DMXL2: variants seen among roughly 807,000 people sequenced by gnomAD.
The protein encoded by DMXL2 is Dmx like 2, also known as dmX-like protein 2.
DMXL2 carries 103 observed loss-of-function variants against 331.1 expected under a neutral mutation model. That is an observed-to-expected ratio of 0.31 (90% CI 0.27 to 0.37). The LOEUF (loss-of-function observed/expected upper bound fraction) is 0.37, where lower values mean the gene tolerates loss of function less well. DMXL2 is among the 10% of genes least tolerant of loss of function. The pLI, the probability that DMXL2 is intolerant of heterozygous loss-of-function variation, is 1.00. For synonymous variants in DMXL2, 1,281 were observed against 1,252.1 expected (o/e 1.02, Z -0.49); for missense variants, 3,171 against 3,642.9 (o/e 0.87, Z 3.33).
rs765934913 is a variant in DMXL2, at chr15:51,474,371, G to T, written c.7186C>A (p.Pro2396Thr). Residue 2396 changes from proline to threonine, a missense_variant, in exon 28 of 44, where the codon CCT becomes ACT. Coordinates refer to ENST00000560891, the MANE Select transcript of DMXL2 (RefSeq NM_001378457.1). ...GAAATATTTTCTGATTGTCTTCGAG[G>T]TTTCACAACAAGTTTTACACCGCCT... ...FGGGVKLVVKPRRQSENISAP... is the reference protein window; with the variant it reads ...FGGGVKLVVKTRRQSENISAP... 7 of 1,609,758 alleles carry T rather than the reference G, an allele frequency of 4.3e-6. No individual in the cohort carries two copies. Among genetic ancestry groups the T allele is most frequent in the Non-Finnish European group, 5.9e-6 (7 of 1,176,542 alleles).
At chr15:51,583,423 A>G (rs1288019739) in intron 1 of DMXL2, among the ~76,000 whole-genome samples, 1 of 60,688 alleles carries the variant, frequency 1.6e-5, no homozygotes, top group Non-Finnish European at 3.4e-5. Context: ...GTTGGTTTCC[A>G]ATTTCATCCA....
At chr15:51,544,137 T>A (rs1482693264) in intron 8 of DMXL2, among the ~76,000 whole-genome samples, 1 of 152,180 alleles carries the variant, frequency 6.6e-6, no homozygotes, top group Non-Finnish European at 1.5e-5. Context: ...CAGACAGTGA[T>A]ATAGTTTAGA....
At chr15:51,488,423 A>G (rs761545684) in intron 21 of DMXL2, 125 bp downstream of exon 21, 1 of 856,730 alleles carries the variant, frequency 1.2e-6, no homozygotes, top group Non-Finnish European at 1.9e-6. Context: ...AGCTAAAGGA[A>G]CCAGGTCGCA....
At chr15:51,590,356 C>T (rs1176131390) in intron 1 of DMXL2, among the ~76,000 whole-genome samples, 49 of 152,146 alleles carry the variant, frequency 3.2e-4, no homozygotes, top group Non-Finnish European at 1.5e-5. Context: ...ATAGACCCAA[C>T]ACAAAAAGAG....
chr15:51,528,137 C>G (rs1484687033), intron 13 of DMXL2, among the ~76,000 whole-genome samples: 1 of 151,524 alleles, frequency 6.6e-6, no homozygotes, highest in African/African-American at 2.4e-5. Flanking sequence ...CAGCAAAAGT[C>G]AACTTCACTA....
At chr15:51,490,490 C>T (rs1457003165) in intron 20 of DMXL2, among the ~76,000 whole-genome samples, 1 of 152,166 alleles carries the variant, frequency 6.6e-6, no homozygotes, top group Non-Finnish European at 1.5e-5. Context: ...TTCCAAAGGA[C>T]TAAAAGGAAA....
At chr15:51,605,408 C>G (rs1471935008) in intron 1 of DMXL2, among the ~76,000 whole-genome samples, 1 of 151,558 alleles carries the variant, frequency 6.6e-6, no homozygotes, top group South Asian at 2.1e-4. Context: ...ACCGTGTTGG[C>G]CAGGCTGGTC....
At chr15:51,614,724 T>C (rs532926457) in intron 1 of DMXL2, among the ~76,000 whole-genome samples, 1 of 152,330 alleles carries the variant, frequency 6.6e-6, no homozygotes, top group Admixed American at 6.5e-5. Context: ...TACCACCTTC[T>C]GTTTTAGGTG....
chr15:51,590,039 C>G (rs1453926957), intron 1 of DMXL2, among the ~76,000 whole-genome samples: 1 of 152,166 alleles, frequency 6.6e-6, no homozygotes, highest in Non-Finnish European at 1.5e-5. Context: ...GAGAAAAGTG[C>G]CCCATCTACA....
intron 1 of DMXL2, among the ~76,000 whole-genome samples, chr15:51,597,425 C>T (rs748067647): frequency 4.6e-5 from 7 of 152,154 alleles, no homozygotes; most frequent in Non-Finnish European, 1.0e-4. Context: ...TAAATGGAAT[C>T]ATACTGTATG....
In DMXL2 at chr15:51,622,752, C is replaced by T. The variant is rs1241950490; in HGVS notation, c.-207G>A. On this transcript the variant is annotated 5_prime_UTR_variant, in exon 1 of 44. Transcript: ENST00000560891. ...CCTCGACCGCCGCCGCCGCCCGGGT[C>T]GCCGCTCAGCTGCGGAAATGCCCGG... The T allele has an allele frequency of 1.1e-6, 1 of 928,502 alleles. No individual in the cohort carries two copies. The highest frequency in any genetic ancestry group is 1.7e-5 in the African/African-American group (1 of 58,070). The allele number at this position is 928,502 out of a possible 1,614,324, so 57.5% of individuals were successfully genotyped here.
At chr15:51,453,749 A>T (rs192441641) in intron 40 of DMXL2, 108 bp from the exon 41 acceptor site, 1 of 860,206 alleles carries the variant, frequency 1.2e-6, no homozygotes, top group Non-Finnish European at 1.8e-6. Flanking sequence ...AGCTAAAAAT[A>T]GTTTTTAAAA....
chr15:51,451,124 C>T (rs1159618297), intron 42 of DMXL2, among the ~76,000 whole-genome samples: 1 of 152,024 alleles, frequency 6.6e-6, no homozygotes, highest in Non-Finnish European at 1.5e-5. Context: ...TAAGGTTAAC[C>T]TTTGTTTTAT....
chr15:51,460,682 C>T (rs1566981057), intron 33 of DMXL2: 1 of 152,082 alleles, frequency 6.6e-6, no homozygotes. Flanking sequence ...TTAGTGATTA[C>T]CAAAATCCTA....
rs761183085 is a variant in DMXL2 at position 51,480,089 on chromosome 15, T to G, written c.6615A>C (p.Leu2205=). The G allele has an allele frequency of 1.9e-6, 3 of 1,597,514 alleles. No homozygotes were observed. Among genetic ancestry groups the G allele is most frequent in the Non-Finnish European group, 2.6e-6 (3 of 1,167,400 alleles). Residue 2205 remains leucine (L), a synonymous_variant, in exon 25 of 44, where the codon CTA becomes CTC. Transcript: ENST00000560891. ...ACGCAATACTTGCTGAAAGCAGAGG[T>G]AGGGTGGTAGGCAGTGGTAGTGGAG... is the stretch of plus-strand genomic sequence containing the variant. ...LQSPLPLPTT[L]PLLSASIAST...
At chr15:51,581,048 T>C (rs1172184758) in intron 1 of DMXL2, among the ~76,000 whole-genome samples, 1 of 152,170 alleles carries the variant, frequency 6.6e-6, no homozygotes, top group African/African-American at 2.4e-5. Flanking sequence ...AATAAAGATA[T>C]TGCTGCTTTC....
chr15:51,453,004 G>A lies in DMXL2; in HGVS notation c.8696+546C>T, dbSNP rs149117742. Among the ~76,000 whole-genome samples the A allele has an allele frequency of 9.4e-3, 1,430 of 151,756 alleles. 19 individuals are homozygous for A. The highest frequency in any genetic ancestry group is 0.033 in the African/African-American group (1,375 of 41,402). ...ACTCAGGAGTAGAAAATCATATGTC[G>A]TATGTTCTCACTTGTAAGTGGGAGC... On this transcript the variant is annotated intron_variant, in intron 41 of 43. Coordinates refer to ENST00000560891, the MANE Select transcript of DMXL2 (RefSeq NM_001378457.1).
chr15:51,579,346 G>GTCTAATGCA (rs1338542996), intron 1 of DMXL2, among the ~76,000 whole-genome samples: 1 of 152,130 alleles, frequency 6.6e-6, no homozygotes, highest in Non-Finnish European at 1.5e-5. Context: ...TTTCTAAAGA[G>GTCTAATGCA]TCTAATGCAT....
intron 13 of DMXL2, among the ~76,000 whole-genome samples, chr15:51,525,394 T>C (rs1028030541): frequency 7.2e-5 from 11 of 151,974 alleles, no homozygotes; most frequent in African/African-American, 2.7e-4. Flanking sequence ...AGCACATATA[T>C]TAAAATTGGA....
Sources: gnomAD v4.1 joint callset for allele counts (sites outside exome capture counted in the v4.1 genomes callset) on GRCh38, gnomAD v4.1.1 for gene constraint, MANE v1.5 for transcripts, NCBI Gene and HGNC (gene_info 2026-07-23, HGNC 2026-07-21) for gene names.